SRGAP2: variants seen among roughly 807,000 people sequenced by gnomAD.
The protein encoded by SRGAP2 is SLIT-ROBO Rho GTPase-activating protein 2.
In SRGAP2, 15 loss-of-function variants were observed where a neutral mutation model predicts 57.2. The ratio of observed to expected loss-of-function variants is 0.26; its 90% CI spans 0.18 to 0.40. SRGAP2 has a LOEUF of 0.40. SRGAP2 is among the 10% of genes least tolerant of loss of function. The pLI is 1.00. For synonymous variants in SRGAP2, 249 were observed against 248.0 expected, an observed-to-expected ratio of 1.00 and a Z score of -0.04; for missense variants, 520 against 669.6, an observed-to-expected ratio of 0.78 and a Z score of 2.47.
chr1:206,454,342 A>G lies in SRGAP2; in HGVS notation c.2361-536A>G. 1 of 627,434 alleles carries G rather than the reference A, an allele frequency of 1.6e-6. No individual in the cohort carries two copies. Among genetic ancestry groups the G allele is most frequent in the Admixed American group, 2.4e-5 (1 of 40,886 alleles). The allele number at this position is 627,434 out of a possible 1,614,324, so 38.9% of individuals were successfully genotyped here. On this transcript the variant is annotated intron_variant, in intron 20 of 22. Coordinates refer to ENST00000573034, the MANE Select transcript of SRGAP2 (RefSeq NM_015326.5). This position sits in a 1 kb window ranked among gnomAD's most constrained non-coding sequence, Gnocchi z 4.3. ...GGGAGAAGGGGCTTTCTTTGTCATCAGTAGCCAGAGGGGCCAGGAGAGCAG... is the reference window on the plus strand; with the variant it reads ...GGGAGAAGGGGCTTTCTTTGTCATCGGTAGCCAGAGGGGCCAGGAGAGCAG...
intron 2 of SRGAP2, among the ~76,000 whole-genome samples, chr1:206,257,997 C>T: frequency 6.6e-6 from 1 of 151,926 alleles, no homozygotes; most frequent in East Asian, 1.9e-4. Flanking sequence ...TGTGAACAGG[C>T]TTGGCACGGT....
chr1:206,416,429 T>C (rs1034462954), intron 11 of SRGAP2, among the ~76,000 whole-genome samples: 1 of 152,180 alleles, frequency 6.6e-6, no homozygotes, highest in African/African-American at 2.4e-5. Context: ...AGACTGCTGC[T>C]TTCTATAGCT....
At chr1:206,253,749 T>C (rs1669001780) in intron 2 of SRGAP2, among the ~76,000 whole-genome samples, 1 of 150,786 alleles carries the variant, frequency 6.6e-6, no homozygotes, top group African/African-American at 2.4e-5. Flanking sequence ...GCCCGGCTAA[T>C]TTTTTTTGTA....
intron 2 of SRGAP2, among the ~76,000 whole-genome samples, chr1:206,255,175 C>G (rs1205616473): frequency 1.4e-5 from 2 of 140,882 alleles, no homozygotes; most frequent in African/African-American, 5.3e-5. Context: ...ATGATTTACT[C>G]TGCTGCTTCC....
At chr1:206,421,358 G>A (rs558916546) in intron 13 of SRGAP2, 84 bp downstream of exon 13, 17 of 651,044 alleles carry the variant, frequency 2.6e-5, no homozygotes, top group Admixed American at 1.8e-4. Flanking sequence ...ACTGTGTGCA[G>A]GACAGACACC....
chr1:206,415,730 A>G (rs1659644967), intron 10 of SRGAP2, among the ~76,000 whole-genome samples, 159 bp from the exon 11 acceptor site: 1 of 152,240 alleles, frequency 6.6e-6, no homozygotes, highest in Non-Finnish European at 1.5e-5. Context: ...ACAGCTGCCC[A>G]TATGATCAGT....
At chr1:206,333,497 C>T (rs1674539470) in intron 3 of SRGAP2, 13 of 1,430,348 alleles carry the variant, frequency 9.1e-6, no homozygotes, top group South Asian at 5.8e-5. Flanking sequence ...GTGCGGGCGG[C>T]GCGGCTCTGT....
chr1:206,458,155 C>T (rs2103416238), intron 21 of SRGAP2, among the ~76,000 whole-genome samples: 1 of 152,268 alleles, frequency 6.6e-6, no homozygotes, highest in East Asian at 1.9e-4. Context: ...TGCCAGAGCC[C>T]AAAACAGTTA....
intron 4 of SRGAP2, among the ~76,000 whole-genome samples, chr1:206,361,445 TC>T (rs1553340588): frequency 6.6e-6 from 1 of 152,252 alleles, no homozygotes; most frequent in African/African-American, 2.4e-5. Flanking sequence ...GAAGCATACT[TC>T]TTGCCCACTT....
chr1:206,458,322 T>C (rs1471938902), intron 21 of SRGAP2: 2 of 568,382 alleles, frequency 3.5e-6, no homozygotes, highest in African/African-American at 3.7e-5. Flanking sequence ...TTTCCATGAA[T>C]CTCTTTCCCA....
chr1:206,364,294 CTCT>C (rs1362776403), intron 4 of SRGAP2, among the ~76,000 whole-genome samples: 3 of 144,636 alleles, frequency 2.1e-5, no homozygotes, highest in Non-Finnish European at 4.5e-5. Context: ...CTCTGGGTTG[CTCT>C]TCTTTTTTTT....
chr1:206,267,024 A>G (rs1453089136), intron 2 of SRGAP2, among the ~76,000 whole-genome samples: 3,477 of 134,872 alleles, frequency 0.026, 115 homozygotes, highest in African/African-American at 0.095. Flanking sequence ...GCTGGAGTGC[A>G]GTGGCGCAAT....
chr1:206,226,822 C>CCT, intron 2 of SRGAP2, among the ~76,000 whole-genome samples: 1 of 152,214 alleles, frequency 6.6e-6, no homozygotes, highest in Non-Finnish European at 1.5e-5. Context: ...TTACAGTGAA[C>CCT]CCCTTTTGCA....
intron 3 of SRGAP2, among the ~76,000 whole-genome samples, chr1:206,317,964 C>T (rs1553326483): frequency 2.0e-5 from 3 of 150,274 alleles, no homozygotes; most frequent in African/African-American, 7.4e-5. Context: ...CAGTAGGATG[C>T]TGAGCTGTGT....
At chr1:206,433,299 G>A (rs1009450959) in intron 14 of SRGAP2, among the ~76,000 whole-genome samples, 5 of 152,146 alleles carry the variant, frequency 3.3e-5, no homozygotes, top group South Asian at 2.1e-4. Context: ...TTACCTTAGT[G>A]TAGTTTTGAC....
At chr1:206,354,571 G>T (rs1553338961) in intron 4 of SRGAP2, among the ~76,000 whole-genome samples, 7 of 152,170 alleles carry the variant, frequency 4.6e-5, no homozygotes, top group Non-Finnish European at 1.0e-4. Flanking sequence ...TAGTTTATCT[G>T]TTCAATTGTT....
At chr1:206,263,684 C>T (rs527797348) in intron 2 of SRGAP2, among the ~76,000 whole-genome samples, 168 of 151,538 alleles carry the variant, frequency 1.1e-3, no homozygotes, top group African/African-American at 4.0e-3. Context: ...GAGTATTTAA[C>T]TTTGTGCTGG....
intron 2 of SRGAP2, chr1:206,213,425 A>C (rs1191682130): frequency 1.9e-6 from 1 of 512,846 alleles, no homozygotes; most frequent in African/African-American, 2.1e-5. Flanking sequence ...AAAGTAACAA[A>C]TAAATAATGA....
At chr1:206,450,329 A>G in intron 18 of SRGAP2, 57 bp from the exon 19 acceptor site, 4 of 769,902 alleles carry the variant, frequency 5.2e-6, no homozygotes, top group South Asian at 2.7e-5. Flanking sequence ...ATGAAGGGGA[A>G]GACAAGAATT....
Sources: gnomAD v4.1 joint callset for allele counts (sites outside exome capture counted in the v4.1 genomes callset) on GRCh38, gnomAD v4.1.1 for gene constraint, Gnocchi (gnomAD v3.1) non-coding constraint, MANE v1.5 for transcripts, NCBI Gene and HGNC (gene_info 2026-07-23, HGNC 2026-07-21) for gene names.